The following ANO10 variants were observed in gnomAD, a reference collection of about 807,000 sequenced individuals.
The protein encoded by ANO10 is anoctamin 10, also known as anoctamin-10.
Under a neutral mutation model 74.7 loss-of-function variants are expected in ANO10, and 77 were observed. That is an observed-to-expected ratio of 1.03 (90% CI 0.86 to 1.25). The LOEUF (loss-of-function observed/expected upper bound fraction) is 1.25, where lower values mean the gene tolerates loss of function less well. ANO10 is among the 50% of genes most tolerant of loss of function. ANO10 has a pLI of 0.00. For synonymous variants in ANO10, 279 were observed against 284.9 expected, an observed-to-expected ratio of 0.98 and a Z score of 0.21; for missense variants, 721 against 778.1, an observed-to-expected ratio of 0.93 and a Z score of 0.87.
intron 11 of ANO10, among the ~76,000 whole-genome samples, chr3:43,483,633 A>G (rs2076354339): frequency 6.6e-6 from 1 of 152,234 alleles, no homozygotes; most frequent in African/African-American, 2.4e-5. Context: ...TCCTGAGCCA[A>G]TATGAGTGAC....
chr3:43,481,362 A>T (rs1283828405), intron 11 of ANO10, among the ~76,000 whole-genome samples: 3 of 152,196 alleles, frequency 2.0e-5, no homozygotes, highest in African/African-American at 7.2e-5. Flanking sequence ...TAGTTTTTAA[A>T]TTATGCCAGG....
chr3:43,647,013 T>C (rs2083732759), intron 1 of ANO10, among the ~76,000 whole-genome samples: 1 of 152,004 alleles, frequency 6.6e-6, no homozygotes, highest in African/African-American at 2.4e-5. Flanking sequence ...AGAAGAAAAT[T>C]CTCTTCGACC....
intron 11 of ANO10, among the ~76,000 whole-genome samples, chr3:43,525,614 C>CATA (rs1407656088): frequency 1.3e-5 from 2 of 152,158 alleles, no homozygotes; most frequent in Non-Finnish European, 2.9e-5. Context: ...GTACTTTCAC[C>CATA]ATAATTAGTG....
chr3:43,406,342 C>T (rs953434985), intron 12 of ANO10, among the ~76,000 whole-genome samples: 4 of 152,218 alleles, frequency 2.6e-5, no homozygotes, highest in Non-Finnish European at 5.9e-5. Context: ...ACTGTTCTCA[C>T]TCACCACATT....
chr3:43,418,264 G>A (rs912628393), intron 12 of ANO10, among the ~76,000 whole-genome samples: 2 of 152,192 alleles, frequency 1.3e-5, no homozygotes, highest in Admixed American at 6.5e-5. Flanking sequence ...GTGACAGGGC[G>A]AGACTGTCTC....
intron 11 of ANO10, among the ~76,000 whole-genome samples, chr3:43,488,991 T>G (rs1282615816): frequency 3.4e-4 from 52 of 151,532 alleles, no homozygotes; most frequent in Non-Finnish European, 2.7e-4. Flanking sequence ...TATGCAGCCA[T>G]AAAAAATGAT....
intron 1 of ANO10, among the ~76,000 whole-genome samples, chr3:43,687,937 T>A (rs934655396): frequency 6.6e-6 from 1 of 152,054 alleles, no homozygotes; most frequent in Non-Finnish European, 1.5e-5. Flanking sequence ...GATAGAGTTG[T>A]AGGGTTCCAC....
At chr3:43,636,078 G>A (rs1337820677) in intron 1 of ANO10, among the ~76,000 whole-genome samples, 1 of 152,122 alleles carries the variant, frequency 6.6e-6, no homozygotes, top group Non-Finnish European at 1.5e-5. Flanking sequence ...GGTTTCCCCG[G>A]AAGCAGACCC....
chr3:43,516,670 C>A (rs188018677), intron 11 of ANO10, among the ~76,000 whole-genome samples: 2 of 152,146 alleles, frequency 1.3e-5, no homozygotes, highest in Non-Finnish European at 2.9e-5. Context: ...TAAGACATGA[C>A]AGCAGTGGCC....
At chr3:43,615,077 A>G (rs2083031349) in intron 1 of ANO10, among the ~76,000 whole-genome samples, 1 of 151,986 alleles carries the variant, frequency 6.6e-6, no homozygotes, top group South Asian at 2.1e-4. Flanking sequence ...ATAAATATAC[A>G]TAATAAATAA....
chr3:43,508,747 G>A (rs2077392414), intron 11 of ANO10, among the ~76,000 whole-genome samples: 1 of 149,054 alleles, frequency 6.7e-6, no homozygotes, highest in Admixed American at 6.8e-5. Context: ...TGAACAATGA[G>A]AACACCTGGA....
intron 11 of ANO10, among the ~76,000 whole-genome samples, chr3:43,528,445 C>A (rs1037659135): frequency 1.3e-5 from 2 of 151,292 alleles, no homozygotes; most frequent in African/African-American, 4.9e-5. Flanking sequence ...AAACTCAGAT[C>A]AAAAATATCT....
intron 11 of ANO10, among the ~76,000 whole-genome samples, chr3:43,545,540 A>AT (rs1213125121): frequency 2.0e-5 from 3 of 151,934 alleles, no homozygotes; most frequent in Admixed American, 2.0e-4. Flanking sequence ...TAATTTTTGT[A>AT]TTTTTAGTAC....
At chr3:43,449,437 A>T (rs1362481696) in intron 11 of ANO10, among the ~76,000 whole-genome samples, 1 of 147,868 alleles carries the variant, frequency 6.8e-6, no homozygotes, top group Non-Finnish European at 1.5e-5. Flanking sequence ...GAAGTTTTAT[A>T]GTTTTGTGTT....
At chr3:43,608,968 A>G (rs963278511) in intron 1 of ANO10, among the ~76,000 whole-genome samples, 5 of 152,194 alleles carry the variant, frequency 3.3e-5, no homozygotes, top group Admixed American at 3.3e-4. Flanking sequence ...CAGCTTTTGT[A>G]ATATAGGAAC....
chr3:43,547,403 T>C (rs1389656834), intron 11 of ANO10, among the ~76,000 whole-genome samples: 5 of 152,190 alleles, frequency 3.3e-5, no homozygotes, highest in Admixed American at 1.3e-4. Context: ...TATTTTCTCA[T>C]AGTCTGGAGG....
chr3:43,616,110 G>A (rs958913309), intron 1 of ANO10, among the ~76,000 whole-genome samples: 1 of 152,122 alleles, frequency 6.6e-6, no homozygotes, highest in Non-Finnish European at 1.5e-5. Flanking sequence ...AAAAGGATCC[G>A]TACATAAGCA....
chr3:43,619,007 T>C (rs1261063444), intron 1 of ANO10, among the ~76,000 whole-genome samples: 1 of 152,184 alleles, frequency 6.6e-6, no homozygotes, highest in Non-Finnish European at 1.5e-5. Flanking sequence ...GGTTTCACCG[T>C]GTTAGCCAAG....
intron 1 of ANO10, among the ~76,000 whole-genome samples, chr3:43,644,784 C>T (rs1331433092): frequency 6.6e-6 from 1 of 152,234 alleles, no homozygotes; most frequent in Non-Finnish European, 1.5e-5. Flanking sequence ...CTGATAGGCC[C>T]TTCCTCCCAC....
Sources: gnomAD v4.1 joint callset for allele counts (sites outside exome capture counted in the v4.1 genomes callset) on GRCh38, gnomAD v4.1.1 for gene constraint, MANE v1.5 for transcripts, NCBI Gene and HGNC (gene_info 2026-07-23, HGNC 2026-07-21) for gene names.